COG4: variants seen among roughly 807,000 people sequenced by gnomAD.
The protein encoded by COG4 is component of oligomeric golgi complex 4, also known as conserved oligomeric Golgi complex subunit 4.
In COG4, 65 loss-of-function variants were observed where a neutral mutation model predicts 95.1. The ratio of observed to expected loss-of-function variants is 0.68; its 90% CI spans 0.56 to 0.84. The LOEUF (loss-of-function observed/expected upper bound fraction) is 0.84, where lower values mean the gene tolerates loss of function less well. Ranked by LOEUF, COG4 falls within the 40% of genes least tolerant of loss-of-function variation. The pLI is 0.00. For synonymous variants in COG4, 421 were observed against 374.8 expected (o/e 1.12, Z -1.42); for missense variants, 1,045 against 989.1 (o/e 1.06, Z -0.76).
chr16:70,500,873 TTAA>T (rs2049434792), intron 9 of COG4, 82 bp downstream of exon 9: 2 of 1,541,872 alleles, frequency 1.3e-6, no homozygotes, highest in Admixed American at 1.7e-5. Context: ...AATTGTTTCC[TTAA>T]TAAGAGATTT....
intron 8 of COG4, among the ~76,000 whole-genome samples, chr16:70,506,003 G>A (rs1025873549): frequency 7.2e-5 from 11 of 151,882 alleles, no homozygotes; most frequent in African/African-American, 2.2e-4. Context: ...AAAATTGGCC[G>A]GGTATGGTGG....
chr16:70,482,888 C>A (rs1277613688), intron 14 of COG4, 67 bp from the exon 15 acceptor site: 1 of 1,209,460 alleles, frequency 8.3e-7, no homozygotes, highest in Non-Finnish European at 1.2e-6. Flanking sequence ...TCTCTCTTCT[C>A]CCCATCCCTT....
intron 13 of COG4, among the ~76,000 whole-genome samples, chr16:70,486,549 G>A (rs1208944398): frequency 6.6e-6 from 1 of 152,100 alleles, no homozygotes; most frequent in Admixed American, 6.6e-5. Flanking sequence ...AGGGCAGCTG[G>A]GATTTACGGG....
At chr16:70,506,539 C>T (rs977883407) in intron 8 of COG4, among the ~76,000 whole-genome samples, 4 of 128,048 alleles carry the variant, frequency 3.1e-5, no homozygotes, top group Admixed American at 9.9e-5. Flanking sequence ...TTTGGTGAGT[C>T]GATATCACAC....
chr16:70,486,591 T>C (rs2049141054), intron 13 of COG4, among the ~76,000 whole-genome samples: 1 of 152,238 alleles, frequency 6.6e-6, no homozygotes, highest in Non-Finnish European at 1.5e-5. Flanking sequence ...ACTTGGCTAA[T>C]TCTACCAGCT....
intron 13 of COG4, among the ~76,000 whole-genome samples, chr16:70,488,704 C>A (rs575609868): frequency 6.6e-6 from 1 of 152,276 alleles, no homozygotes; most frequent in South Asian, 2.1e-4. Context: ...CATGCCACCA[C>A]ACCCAGCTAA....
chr16:70,497,923 G>A lies in COG4; in HGVS notation c.1314+14C>T, dbSNP rs189538469. 58 of 1,444,778 alleles carry A rather than the reference G, an allele frequency of 4.0e-5. 1 individual carries two copies. In the Admixed American group the frequency reaches 8.0e-4, roughly 20 times the overall value. The allele number at this position is 1,444,778 out of a possible 1,614,324, so 89.5% of individuals were successfully genotyped here. ...CGGAAGCCCCATTTCCAAGAGATGC[G>A]TCCTATGTCCTACCTTATTGACAGT... On this transcript the variant is annotated intron_variant, in intron 10 of 18. Transcript: ENST00000323786.
At position 70,482,712 on chromosome 16, in the gene COG4, C is replaced by T. The variant is rs1186390957; in HGVS notation, c.1920+17G>A. The T allele has an allele frequency of 1.2e-6, 2 of 1,609,148 alleles. No individual in the cohort carries two copies. The highest frequency in any genetic ancestry group is 8.5e-7 in the Non-Finnish European group (1 of 1,175,730). ...AGGGGTCATCGGGGCTTGATGGCTG[C>T]CTGTGGCCAGGCTAACCTCCTCGAT... is the stretch of plus-strand genomic sequence containing the variant. On this transcript the variant is annotated intron_variant, in intron 15 of 18. Transcript: ENST00000323786.
At chr16:70,500,922 C>G in intron 9 of COG4, 36 bp downstream of exon 9, 1 of 1,613,438 alleles carries the variant, frequency 6.2e-7, no homozygotes, top group Non-Finnish European at 8.5e-7. Flanking sequence ...CCAATTATAC[C>G]TCAACCCTCC....
chr16:70,519,928 C>T (rs942003228), intron 1 of COG4, among the ~76,000 whole-genome samples, 197 bp from the exon 2 acceptor site: 1 of 152,202 alleles, frequency 6.6e-6, no homozygotes, highest in African/African-American at 2.4e-5. Flanking sequence ...TCTTATTCCA[C>T]CTGGCAGATG....
intron 3 of COG4, among the ~76,000 whole-genome samples, chr16:70,516,300 A>T (rs2049821167): frequency 7.0e-6 from 1 of 142,386 alleles, no homozygotes; most frequent in Non-Finnish European, 1.5e-5. Context: ...TGTTGAGTTA[A>T]ATTTTTTTTT....
At chr16:70,506,208 T>G (rs1404191544) in intron 8 of COG4, among the ~76,000 whole-genome samples, 1 of 151,070 alleles carries the variant, frequency 6.6e-6, no homozygotes, top group East Asian at 2.0e-4. Context: ...CCGTCCTGGC[T>G]AACACAGTAA....
chr16:70,486,548 G>A (rs894725347), intron 13 of COG4, among the ~76,000 whole-genome samples: 7 of 152,174 alleles, frequency 4.6e-5, no homozygotes, highest in African/African-American at 1.4e-4. Flanking sequence ...AAGGGCAGCT[G>A]GGATTTACGG....
In COG4 at chr16:70,482,815, G is replaced by C. The variant is rs748578976; in HGVS notation, c.1834C>G (p.Leu612Val). 1 of 1,613,398 alleles carries C rather than the reference G, an allele frequency of 6.2e-7. No homozygotes were observed. The highest frequency in any genetic ancestry group is 1.1e-5 in the South Asian group (1 of 91,068). Residue 612 changes from leucine (L) to valine (V), a missense_variant, in exon 15 of 19, where the codon CTG (leucine) becomes GTG (valine). By Grantham distance (32) the Leu-to-Val change is conservative. Transcript: ENST00000323786. Reference sequence around the variant, plus strand: ...ATGGCTGTGCTGTTGAGCTCCGTCAGCCCTTCCTGCACAAGGACAAGGTGG... The same window carrying C: ...ATGGCTGTGCTGTTGAGCTCCGTCACCCCTTCCTGCACAAGGACAAGGTGG... ...NKFRDLLQEGLTELNSTAIKP... is the reference protein window; with the variant it reads ...NKFRDLLQEGVTELNSTAIKP...
intron 8 of COG4, among the ~76,000 whole-genome samples, chr16:70,503,730 G>C (rs988573801): frequency 7.2e-6 from 1 of 138,590 alleles, no homozygotes. Flanking sequence ...GAGTAGCTGG[G>C]ACTACAGGCG....
intron 2 of COG4, among the ~76,000 whole-genome samples, chr16:70,518,470 T>C (rs2049870181): frequency 6.6e-6 from 1 of 152,128 alleles, no homozygotes; most frequent in African/African-American, 2.4e-5. Context: ...ATGATCCTCC[T>C]GTCTTAGCCT....
rs761785064 is a variant in COG4, at chr16:70,497,380, G to A, written c.1322C>T (p.Ala441Val). The A allele has an allele frequency of 2.5e-6, 4 of 1,613,190 alleles. No homozygotes were observed. Among genetic ancestry groups the A allele is most frequent in the Non-Finnish European group, 1.7e-6 (2 of 1,180,014 alleles). ...FMRETVNKAVALDTYEKGQLT... is the reference protein window; with the variant it reads ...FMRETVNKAVVLDTYEKGQLT... The stretch of plus-strand genomic sequence containing the variant: ...CTGGCCCTTCTCATAGGTGTCCAGA[G>A]CCACAGCCTACCCAAAAGGCAAAGC... Residue 441 changes from alanine (A) to valine (V), a missense_variant, in exon 11 of 19, where the codon GCT (alanine) becomes GTT (valine). Coordinates refer to ENST00000323786, the MANE Select transcript of COG4 (RefSeq NM_015386.3).
chr16:70,522,230 G>T (rs1350434433), intron 1 of COG4, among the ~76,000 whole-genome samples: 1 of 149,576 alleles, frequency 6.7e-6, no homozygotes, highest in African/African-American at 2.5e-5. Flanking sequence ...TCCTGACTCA[G>T]GTGATCCTCC....
At chr16:70,507,658 C>T (rs1236567614) in intron 8 of COG4, among the ~76,000 whole-genome samples, 1 of 151,842 alleles carries the variant, frequency 6.6e-6, no homozygotes. Context: ...GTCAGGAGTT[C>T]GAGACTAACC....
Sources: allele counts gnomAD v4.1 joint callset (sites outside exome capture counted in the v4.1 genomes callset), GRCh38; gene constraint gnomAD v4.1.1; transcripts MANE v1.5; gene names NCBI Gene and HGNC (gene_info 2026-07-23, HGNC 2026-07-21).